The following ADAMTSL1 variants were observed in gnomAD, a reference collection of about 807,000 sequenced individuals.
ADAMTSL1 encodes ADAMTS-like protein 1.
A neutral mutation model predicts 201.8 loss-of-function variants in ADAMTSL1; 126 were observed. The ratio of observed to expected loss-of-function variants is 0.62; its 90% CI spans 0.54 to 0.72. The LOEUF is 0.72. Among genes scored for constraint, ADAMTSL1 ranks in the 30% least tolerant of loss-of-function variants. The probability of loss-of-function intolerance (pLI) is 0.00; values close to 1 mark genes in which losing one functional copy is unlikely to be tolerated. For synonymous variants in ADAMTSL1, 1,121 were observed against 903.4 expected (o/e 1.24, Z -4.32); for missense variants, 2,679 against 2,277.8 (o/e 1.18, Z -3.59).
intron 13 of ADAMTSL1, among the ~76,000 whole-genome samples, chr9:18,702,660 T>C (rs1382613356): frequency 6.6e-6 from 1 of 152,204 alleles, no homozygotes; most frequent in African/African-American, 2.4e-5. Context: ...AAAGACTAAA[T>C]ACAGAATTCA....
At chr9:17,923,627 G>T (rs1340562303) in intron 1 of ADAMTSL1, among the ~76,000 whole-genome samples, 1 of 120,354 alleles carries the variant, frequency 8.3e-6, no homozygotes, top group East Asian at 2.8e-4. Flanking sequence ...TCCTTCTCCT[G>T]CCTAATTGCC....
intron 2 of ADAMTSL1, among the ~76,000 whole-genome samples, chr9:18,265,668 A>G (rs560753444): frequency 1.2e-3 from 188 of 152,344 alleles, no homozygotes; most frequent in African/African-American, 4.3e-3. Flanking sequence ...TTAAAAGAAT[A>G]TGCTAACTAT....
intron 2 of ADAMTSL1, among the ~76,000 whole-genome samples, chr9:18,198,444 C>T (rs1482307804): frequency 2.7e-5 from 4 of 149,016 alleles, no homozygotes; most frequent in African/African-American, 4.9e-5. Context: ...AAAAAGTGGG[C>T]GAAGGACATG....
At chr9:18,144,856 C>G (rs1001437498) in intron 1 of ADAMTSL1, among the ~76,000 whole-genome samples, 1 of 152,132 alleles carries the variant, frequency 6.6e-6, no homozygotes, top group Non-Finnish European at 1.5e-5. Flanking sequence ...CACTCTGTTT[C>G]TAAACAGTGG....
At chr9:17,992,217 G>T (rs1198722872) in intron 1 of ADAMTSL1, among the ~76,000 whole-genome samples, 1 of 152,072 alleles carries the variant, frequency 6.6e-6, no homozygotes, top group Non-Finnish European at 1.5e-5. Context: ...GAGAGGTTGG[G>T]GGTAGGGCAG....
At chr9:18,514,327 C>CTTTTTTTTTTT (rs397963773) in intron 2 of ADAMTSL1, among the ~76,000 whole-genome samples, 6 of 100,104 alleles carry the variant, frequency 6.0e-5, no homozygotes, top group East Asian at 2.7e-4. Flanking sequence ...ATTTTTCTTT[C>CTTTTTTTTTTT]TTTTTTTTTT....
intron 2 of ADAMTSL1, among the ~76,000 whole-genome samples, chr9:18,315,793 C>T (rs1241889106): frequency 3.9e-5 from 6 of 152,210 alleles, no homozygotes; most frequent in Non-Finnish European, 8.8e-5. Context: ...CAGCAGTGGG[C>T]TGCAGTGCTC....
intron 15 of ADAMTSL1, among the ~76,000 whole-genome samples, chr9:18,748,702 G>A (rs1819282978): frequency 6.6e-6 from 1 of 152,176 alleles, no homozygotes; most frequent in Admixed American, 6.5e-5. Flanking sequence ...ATTCAACTCA[G>A]TTTTTCACTG....
chr9:18,201,185 C>G (rs1829430127), intron 2 of ADAMTSL1, among the ~76,000 whole-genome samples: 1 of 152,020 alleles, frequency 6.6e-6, no homozygotes, highest in South Asian at 2.1e-4. Context: ...AAATTGATTT[C>G]CCACAGAGAG....
rs1823926073 is a variant in ADAMTSL1, at chr9:18,817,319, T to A, written c.3934+82T>A. The A allele has an allele frequency of 1.6e-5, 22 of 1,411,092 alleles. No homozygotes were observed. The South Asian group carries it at 2.9e-4, about 19-fold the overall frequency. The allele number at this position is 1,411,092 out of a possible 1,614,324, so 87.4% of individuals were successfully genotyped here. A position where few individuals can be genotyped will look rare whatever the true frequency, so the allele number is the denominator to read the frequency against. Reference sequence around the variant, plus strand: ...GATACAAAGACAAATTAGACACAAATTCTACTCTCAGGGATATAGTGCTAG... The same window carrying A: ...GATACAAAGACAAATTAGACACAAAATCTACTCTCAGGGATATAGTGCTAG... On this transcript the variant is annotated intron_variant, in intron 21 of 28. Coordinates refer to ENST00000380548, the MANE Select transcript of ADAMTSL1 (RefSeq NM_001040272.6).
chr9:18,476,026 AT>A (rs1309052448), intron 1 of ADAMTSL1, among the ~76,000 whole-genome samples: 3 of 152,164 alleles, frequency 2.0e-5, no homozygotes, highest in African/African-American at 7.2e-5. Context: ...CTTAAAACAT[AT>A]CATATTTAAA....
chr9:17,974,693 T>C (rs951784899), intron 1 of ADAMTSL1, among the ~76,000 whole-genome samples: 2 of 152,086 alleles, frequency 1.3e-5, no homozygotes, highest in Non-Finnish European at 2.9e-5. Context: ...AATGGCAGGA[T>C]CTCCTTCTTT....
chr9:18,838,530 ATAAATAAATAAC>A (rs1302603165), intron 23 of ADAMTSL1, among the ~76,000 whole-genome samples: 64 of 152,118 alleles, frequency 4.2e-4, no homozygotes, highest in African/African-American at 1.4e-3. Flanking sequence ...AAATAAATAA[ATAAATAAATAAC>A]TAGGCTGGGC....
intron 5 of ADAMTSL1, among the ~76,000 whole-genome samples, chr9:18,624,116 A>G (rs912290252): frequency 3.3e-5 from 5 of 152,198 alleles, no homozygotes; most frequent in Admixed American, 6.5e-5. Context: ...AAAATTGGAG[A>G]TACCAGTTTA....
At chr9:18,488,469 T>A (rs1439258718) in intron 1 of ADAMTSL1, among the ~76,000 whole-genome samples, 1 of 152,160 alleles carries the variant, frequency 6.6e-6, no homozygotes, top group African/African-American at 2.4e-5. Flanking sequence ...GTAATTCTGA[T>A]ACACACCAAC....
chr9:18,510,101 A>G (rs984132297), intron 2 of ADAMTSL1, among the ~76,000 whole-genome samples: 9 of 152,158 alleles, frequency 5.9e-5, no homozygotes, highest in Non-Finnish European at 1.0e-4. Flanking sequence ...TGCCAGGCCA[A>G]TTTTCTAGCT....
intron 2 of ADAMTSL1, among the ~76,000 whole-genome samples, chr9:18,354,345 G>A (rs574389184): frequency 6.6e-6 from 1 of 152,050 alleles, no homozygotes; most frequent in South Asian, 2.1e-4. Context: ...TGTTTTTCAT[G>A]TATTTGATTA....
chr9:18,544,429 A>G (rs974862984), intron 3 of ADAMTSL1, among the ~76,000 whole-genome samples: 1 of 152,216 alleles, frequency 6.6e-6, no homozygotes, highest in African/African-American at 2.4e-5. Context: ...AAGGGAATAT[A>G]TTAGTAAAAC....
chr9:18,818,552 G>T (rs7849165), intron 21 of ADAMTSL1, among the ~76,000 whole-genome samples: 96,843 of 151,992 alleles, frequency 0.64, 31,358 homozygotes, highest in Non-Finnish European at 0.7. Context: ...AGCACTTTGG[G>T]AAGCTGAGGT....
Sources: allele counts gnomAD v4.1 joint callset (sites outside exome capture counted in the v4.1 genomes callset), GRCh38; gene constraint gnomAD v4.1.1; transcripts MANE v1.5; gene names NCBI Gene and HGNC (gene_info 2026-07-23, HGNC 2026-07-21).